Variants in CPB1 observed in about 807,000 individuals in gnomAD.
The protein encoded by CPB1 is carboxypeptidase B.
CPB1 carries 53 observed loss-of-function variants against 51.4 expected under a neutral mutation model. The ratio of observed to expected loss-of-function variants is 1.03; its 90% CI spans 0.83 to 1.30. The LOEUF (loss-of-function observed/expected upper bound fraction) is 1.30. CPB1 is among the 50% of genes most tolerant of loss of function. CPB1 has a pLI of 0.00. For synonymous variants in CPB1, 189 were observed against 186.9 expected, an observed-to-expected ratio of 1.01 and a Z score of -0.09; for missense variants, 494 against 516.2, an observed-to-expected ratio of 0.96 and a Z score of 0.42.
At chr3:148,846,841 ATG>A (rs1713266547) in intron 9 of CPB1, among the ~76,000 whole-genome samples, 3 of 117,922 alleles carry the variant, frequency 2.5e-5, no homozygotes, top group Non-Finnish European at 3.4e-5. Flanking sequence ...ATATATATAT[ATG>A]TTAGCACCGC....
chr3:148,850,120 G>C (rs1713381280), intron 9 of CPB1, among the ~76,000 whole-genome samples: 1 of 152,166 alleles, frequency 6.6e-6, no homozygotes, highest in African/African-American at 2.4e-5. Flanking sequence ...TCTTTTGAGA[G>C]ATATATATTC....
intron 6 of CPB1, among the ~76,000 whole-genome samples, chr3:148,843,987 C>A (rs1713160644): frequency 6.6e-6 from 1 of 152,118 alleles, no homozygotes; most frequent in Non-Finnish European, 1.5e-5. Flanking sequence ...ATTGGACATT[C>A]CCTCTAGTGA....
intron 9 of CPB1, among the ~76,000 whole-genome samples, chr3:148,848,486 T>C (rs2108018565): frequency 6.6e-6 from 1 of 152,294 alleles, no homozygotes; most frequent in South Asian, 2.1e-4. Flanking sequence ...AAGAGATTTC[T>C]ATTTTTCTTT....
chr3:148,831,277 A>G (rs1364748702), intron 2 of CPB1, among the ~76,000 whole-genome samples: 1 of 152,214 alleles, frequency 6.6e-6, no homozygotes, highest in Non-Finnish European at 1.5e-5. Context: ...TGCCTGGAGT[A>G]ACATGGTTAC....
At chr3:148,828,995 T>C (rs970595112) in intron 2 of CPB1, among the ~76,000 whole-genome samples, 3 of 152,230 alleles carry the variant, frequency 2.0e-5, no homozygotes, top group African/African-American at 7.2e-5. Context: ...CTACTCCTGG[T>C]AAAACCTGTT....
intron 6 of CPB1, 73 bp from the exon 7 acceptor site, chr3:148,844,405 A>G: frequency 1.9e-6 from 2 of 1,080,998 alleles, no homozygotes; most frequent in Non-Finnish European, 2.8e-6. Flanking sequence ...TTAACATTCA[A>G]CAGTCTTTGT....
intron 6 of CPB1, among the ~76,000 whole-genome samples, chr3:148,842,828 T>A (rs1226935802): frequency 1.3e-5 from 2 of 152,162 alleles, no homozygotes; most frequent in Non-Finnish European, 2.9e-5. Context: ...AAGGTTAACA[T>A]CACCAATAAT....
chr3:148,841,792 A>G (rs1427590650), intron 5 of CPB1, 31 bp from the exon 6 acceptor site: 2 of 1,582,804 alleles, frequency 1.3e-6, no homozygotes, highest in Non-Finnish European at 1.7e-6. Context: ...ATGATGAATC[A>G]TGGTTTCCCT....
intron 9 of CPB1, among the ~76,000 whole-genome samples, chr3:148,850,338 A>G (rs1266660687): frequency 1.3e-5 from 2 of 151,790 alleles, no homozygotes; most frequent in East Asian, 1.9e-4. Flanking sequence ...GTCTCGCTCT[A>G]TCACCCAGGC....
At chr3:148,844,121 A>G (rs911613335) in intron 6 of CPB1, among the ~76,000 whole-genome samples, 12 of 152,136 alleles carry the variant, frequency 7.9e-5, no homozygotes, top group African/African-American at 2.9e-4. Context: ...CCTTACTTAC[A>G]CTTATACCCT....
chr3:148,836,227 T>C (rs1445639015), intron 3 of CPB1, among the ~76,000 whole-genome samples: 2 of 152,142 alleles, frequency 1.3e-5, no homozygotes, highest in African/African-American at 2.4e-5. Flanking sequence ...AAAGCTTAGC[T>C]ATGTGCTTTC....
At chr3:148,858,440 C>G (rs1459061937) in intron 10 of CPB1, among the ~76,000 whole-genome samples, 1 of 151,798 alleles carries the variant, frequency 6.6e-6, no homozygotes, top group Non-Finnish European at 1.5e-5. Context: ...GGCGTGGTGG[C>G]GGGCACCTGT....
chr3:148,852,969 G>A (rs1713474109), intron 9 of CPB1, among the ~76,000 whole-genome samples: 1 of 152,156 alleles, frequency 6.6e-6, no homozygotes, highest in East Asian at 1.9e-4. Context: ...CTTGGTTCCT[G>A]CTTATAGACC....
At position 148,828,009 on chromosome 3, in the gene CPB1, G is replaced by C; in HGVS notation, c.79G>C (p.Val27Leu). Residue 27 changes from valine to leucine, a missense_variant, in exon 2 of 11, where the codon GTG (valine) becomes CTG (leucine). Coordinates refer to ENST00000282957, the MANE Select transcript of CPB1 (RefSeq NM_001871.3). ...HGGEHFEGEK[V>L]FRVNVEDENH... is the part of the protein sequence containing the mutation. ...TATTATCTCATTATTCAGCGAGAAG[G>C]TGTTCCGTGTTAACGTTGAAGATGA... 1 of 1,614,048 alleles carries C rather than the reference G, an allele frequency of 6.2e-7. No homozygotes were observed. Among genetic ancestry groups the C allele is most frequent in the Non-Finnish European group, 8.5e-7 (1 of 1,179,954 alleles).
rs1713095423 is a variant in CPB1 at position 148,841,857 on chromosome 3, T to G, written c.509T>G (p.Phe170Cys). The change falls in exon 6 of 11, where the codon TTC (phenylalanine) becomes TGC (cysteine). Residue 170 changes from phenylalanine to cysteine, a missense_variant. Transcript: ENST00000282957. ...GCTGGACAAAATAAGCCTGCCATTT[T>G]CATGGACTGTGGTTTCCATGCCAGA... ...GKAGQNKPAI[F>C]MDCGFHAREW... 1 of 1,613,934 alleles carries G rather than the reference T, an allele frequency of 6.2e-7. No individual in the cohort carries two copies. Among genetic ancestry groups the G allele is most frequent in the Admixed American group, 1.7e-5 (1 of 60,002 alleles).
At chr3:148,859,613 G>C (rs1231303466) in intron 10 of CPB1, among the ~76,000 whole-genome samples, 1 of 152,192 alleles carries the variant, frequency 6.6e-6, no homozygotes, top group East Asian at 1.9e-4. Flanking sequence ...TTTCTACAAA[G>C]TGAAGTGGTG....
Position 148,846,787 on chromosome 3 carries a change from G to GTC in CPB1, c.981+1162_981+1163insCT, listed in dbSNP as rs1713257201. Among the ~76,000 whole-genome samples the GTC allele has an allele frequency of 7.1e-5, 3 of 42,450 alleles. No homozygotes were observed. In the South Asian group the frequency reaches 2.0e-3, roughly 28 times the overall value. 27.8% of individuals were successfully genotyped at this position (42,450 alleles called of 152,430 possible). ...TATATATATACACATATATATGTGT[G>GTC]TGTGCGTGTGTATATATATATATAT... On this transcript the variant is annotated intron_variant, in intron 9 of 10. Transcript: ENST00000282957.
chr3:148,852,845 G>A (rs887856076), intron 9 of CPB1, among the ~76,000 whole-genome samples: 2 of 152,126 alleles, frequency 1.3e-5, no homozygotes, highest in Non-Finnish European at 1.5e-5. Flanking sequence ...TGTGGAAATC[G>A]GCAGGCCTGG....
At chr3:148,835,430 G>A (rs141314854) in intron 3 of CPB1, among the ~76,000 whole-genome samples, 12 of 152,274 alleles carry the variant, frequency 7.9e-5, no homozygotes, top group African/African-American at 2.9e-4. Flanking sequence ...GCAAGTCTAG[G>A]GGTCAGGGAG....
Sources: gnomAD v4.1 joint callset for allele counts (sites outside exome capture counted in the v4.1 genomes callset) on GRCh38, gnomAD v4.1.1 for gene constraint, MANE v1.5 for transcripts, NCBI Gene and HGNC (gene_info 2026-07-23, HGNC 2026-07-21) for gene names.